Variants in TTC7B observed in about 807,000 individuals in gnomAD.
TTC7B encodes tetratricopeptide repeat domain 7B.
TTC7B carries 28 observed loss-of-function variants against 106.8 expected under a neutral mutation model. The ratio of observed to expected loss-of-function variants is 0.26; its 90% CI spans 0.19 to 0.36. The LOEUF (loss-of-function observed/expected upper bound fraction) is 0.36. Among genes scored for constraint, TTC7B ranks in the 10% least tolerant of loss-of-function variants. The pLI is 1.00. For missense variants in TTC7B, 862 were observed against 1,076.4 expected, an observed-to-expected ratio of 0.80 and a Z score of 2.79; for synonymous variants, 405 against 430.6, an observed-to-expected ratio of 0.94 and a Z score of 0.74.
At position 90,570,318 on chromosome 14, in the gene TTC7B, T is replaced by C. The variant is rs528761210; in HGVS notation, c.2310+7788A>G. On this transcript the variant is annotated intron_variant, in intron 19 of 19. Coordinates refer to ENST00000328459, the MANE Select transcript of TTC7B (RefSeq NM_001010854.2). This position sits in a 1 kb window ranked among gnomAD's most constrained non-coding sequence, Gnocchi z 4.0. ...CCTCGAAGTCATTTCCCGCACTCATTTGGTCAGCAAAGGCTGTGCCAAGGC... is the reference window on the plus strand; with the variant it reads ...CCTCGAAGTCATTTCCCGCACTCATCTGGTCAGCAAAGGCTGTGCCAAGGC... 7.2e-5 allele frequency among the ~76,000 whole-genome samples: 11 copies of C among 152,308 alleles called. No individual in the cohort carries two copies. Among genetic ancestry groups the C allele is most frequent in the African/African-American group, 2.6e-4 (11 of 41,572 alleles).
At chr14:90,631,440 G>A (rs1461151945) in intron 15 of TTC7B, among the ~76,000 whole-genome samples, 2 of 137,098 alleles carry the variant, frequency 1.5e-5, no homozygotes, top group African/African-American at 2.7e-5. Context: ...ACAGATTCTC[G>A]CTCTGTCACC....
intron 6 of TTC7B, among the ~76,000 whole-genome samples, chr14:90,691,205 T>C (rs930679507): frequency 1.3e-5 from 2 of 152,196 alleles, no homozygotes; most frequent in Non-Finnish European, 2.9e-5. Flanking sequence ...GAACGAGGAA[T>C]TTCATTTTCT....
chr14:90,584,941 A>G (rs1350119485), intron 18 of TTC7B, among the ~76,000 whole-genome samples: 1 of 151,862 alleles, frequency 6.6e-6, no homozygotes, highest in Non-Finnish European at 1.5e-5. Flanking sequence ...GTCTCCTGTC[A>G]CCCTTCCAAG....
At chr14:90,636,538 T>C (rs1182327621) in intron 15 of TTC7B, among the ~76,000 whole-genome samples, 1 of 151,672 alleles carries the variant, frequency 6.6e-6, no homozygotes, top group Admixed American at 6.6e-5. Flanking sequence ...AAAAAAGCTC[T>C]GATAGCATAA....
In TTC7B at chr14:90,531,010, ATC is replaced by A. The variant is rs1889270303; in HGVS notation, c.*10356_*10357del. ...AAGAACAAAATGTAAATCTGCATAA[ATC>A]TCTGTTAATAGATACAGGATATAAA... On this transcript the variant is annotated 3_prime_UTR_variant, in exon 20 of 20. Coordinates refer to ENST00000328459, the MANE Select transcript of TTC7B (RefSeq NM_001010854.2). 6.6e-6 allele frequency: 1 copy of A among 152,210 alleles called. No homozygotes were observed. The highest frequency in any genetic ancestry group is 1.5e-5 in the Non-Finnish European group (1 of 68,042). 9.4% of individuals were successfully genotyped at this position (152,210 alleles called of 1,614,324 possible).
chr14:90,565,399 C>CTTTTTTTTTT (rs35307541), intron 19 of TTC7B, among the ~76,000 whole-genome samples: 2 of 107,598 alleles, frequency 1.9e-5, no homozygotes, highest in East Asian at 2.6e-4. Flanking sequence ...TCCTTTCTAG[C>CTTTTTTTTTT]TTTTTTTTTT....
At chr14:90,580,974 G>A (rs1443418652) in intron 18 of TTC7B, among the ~76,000 whole-genome samples, 1 of 152,166 alleles carries the variant, frequency 6.6e-6, no homozygotes, top group Non-Finnish European at 1.5e-5. Context: ...AATCAGCCTG[G>A]CCGGTCCCTC....
Position 90,757,001 on chromosome 14 carries a change from C to T in TTC7B, c.446-12079G>A, listed in dbSNP as rs140794274. On this transcript the variant is annotated intron_variant, in intron 3 of 19. Coordinates refer to ENST00000328459, the MANE Select transcript of TTC7B (RefSeq NM_001010854.2). This position sits in a 1 kb window ranked among gnomAD's most constrained non-coding sequence, Gnocchi z 4.1. Reference sequence around the variant, plus strand: ...AGATGAGCGGCCACATGCAATACACCCATCTAGCCGCCCACCATGAGCAGA... The same window carrying T: ...AGATGAGCGGCCACATGCAATACACTCATCTAGCCGCCCACCATGAGCAGA... Among the ~76,000 whole-genome samples, 33 of 152,280 alleles carry T rather than the reference C, an allele frequency of 2.2e-4. 1 individual carries two copies. In the East Asian group the frequency reaches 6.2e-3, roughly 29 times the overall value.
At chr14:90,645,742 T>C (rs1227509116) in intron 14 of TTC7B, among the ~76,000 whole-genome samples, 2 of 152,186 alleles carry the variant, frequency 1.3e-5, no homozygotes, top group Non-Finnish European at 2.9e-5. Flanking sequence ...AACGATGTCT[T>C]TAAGGGATAG....
intron 1 of TTC7B, among the ~76,000 whole-genome samples, chr14:90,793,475 A>C (rs1891656775): frequency 6.8e-6 from 1 of 148,004 alleles, no homozygotes; most frequent in Non-Finnish European, 1.5e-5. Flanking sequence ...TAGTGAGCTG[A>C]GATTGTGCCA....
At chr14:90,628,958 A>G (rs1884570390) in intron 15 of TTC7B, among the ~76,000 whole-genome samples, 1 of 152,250 alleles carries the variant, frequency 6.6e-6, no homozygotes. Flanking sequence ...TCGGAGGCAT[A>G]GCACGCTCCA....
At chr14:90,810,950 G>A (rs970153909) in intron 1 of TTC7B, among the ~76,000 whole-genome samples, 1 of 152,150 alleles carries the variant, frequency 6.6e-6, no homozygotes, top group African/African-American at 2.4e-5. Context: ...GAGGGAAGTC[G>A]GGGGAATGAA....
At chr14:90,793,046 G>C (rs1293068308) in intron 1 of TTC7B, among the ~76,000 whole-genome samples, 1 of 152,108 alleles carries the variant, frequency 6.6e-6, no homozygotes, top group Non-Finnish European at 1.5e-5. Context: ...GTTCCCCCAT[G>C]CTGTTCTCAT....
intron 1 of TTC7B, among the ~76,000 whole-genome samples, chr14:90,788,686 A>AG (rs1891473790): frequency 6.6e-6 from 1 of 152,080 alleles, no homozygotes; most frequent in Non-Finnish European, 1.5e-5. Flanking sequence ...TCCTTTAGGC[A>AG]GGGCGCAGTG....
intron 4 of TTC7B, among the ~76,000 whole-genome samples, chr14:90,739,872 A>G (rs993121614): frequency 6.6e-6 from 1 of 152,248 alleles, no homozygotes; most frequent in Admixed American, 6.5e-5. Flanking sequence ...GGGTGAAGTC[A>G]TCTTTATTCC....
intron 16 of TTC7B, among the ~76,000 whole-genome samples, chr14:90,617,267 C>T (rs1307102627): frequency 6.6e-6 from 1 of 152,092 alleles, no homozygotes; most frequent in Non-Finnish European, 1.5e-5. Flanking sequence ...TAAAGAACCC[C>T]AAACGATATC....
intron 16 of TTC7B, among the ~76,000 whole-genome samples, chr14:90,613,973 AAC>A (rs1892970118): frequency 6.6e-6 from 1 of 152,234 alleles, no homozygotes; most frequent in South Asian, 2.1e-4. Context: ...ACAGAGGTTA[AAC>A]ACGAGAGGCT....
At chr14:90,640,620 T>C (rs2139876173) in intron 15 of TTC7B, among the ~76,000 whole-genome samples, 1 of 152,374 alleles carries the variant, frequency 6.6e-6, no homozygotes, top group Admixed American at 6.5e-5. Context: ...TTTTATTCCA[T>C]ATTTAAGAAC....
chr14:90,767,517 G>A (rs1890729700), intron 3 of TTC7B, among the ~76,000 whole-genome samples: 1 of 152,110 alleles, frequency 6.6e-6, no homozygotes, highest in Admixed American at 6.5e-5. Flanking sequence ...AAGAGAGGAA[G>A]TCCAGCCCCC....
Sources: allele counts gnomAD v4.1 joint callset (sites outside exome capture counted in the v4.1 genomes callset), GRCh38; gene constraint gnomAD v4.1.1; non-coding constraint Gnocchi (gnomAD v3.1); transcripts MANE v1.5; gene names NCBI Gene and HGNC (gene_info 2026-07-23, HGNC 2026-07-21).